Variants in PEX5L observed in about 807,000 individuals in gnomAD.
PEX5L encodes PEX5-related protein.
PEX5L carries 30 observed loss-of-function variants against 84.0 expected under a neutral mutation model. The observed-to-expected ratio is 0.36, with a 90% CI of 0.27 to 0.48. The LOEUF (loss-of-function observed/expected upper bound fraction) is 0.48. PEX5L is among the 20% of genes least tolerant of loss of function. The probability of loss-of-function intolerance (pLI) is 0.99; values close to 1 mark genes in which losing one functional copy is unlikely to be tolerated. For missense variants in PEX5L, 533 were observed against 754.6 expected (o/e 0.71, Z 3.44); for synonymous variants, 270 against 283.1 (o/e 0.95, Z 0.46).
chr3:179,835,707 T>C (rs780446792), intron 8 of PEX5L, among the ~76,000 whole-genome samples: 2 of 152,190 alleles, frequency 1.3e-5, no homozygotes, highest in African/African-American at 2.4e-5. Flanking sequence ...ACTAAATATT[T>C]AAGGAAAATA....
At chr3:179,986,559 C>T (rs1035201101) in intron 1 of PEX5L, among the ~76,000 whole-genome samples, 12 of 151,966 alleles carry the variant, frequency 7.9e-5, no homozygotes, top group Non-Finnish European at 1.2e-4. Flanking sequence ...CCCGCCACCA[C>T]GCCCGGCTAA....
At chr3:179,856,688 G>A (rs368391801) in intron 8 of PEX5L, among the ~76,000 whole-genome samples, 1 of 152,154 alleles carries the variant, frequency 6.6e-6, no homozygotes, top group East Asian at 1.9e-4. Flanking sequence ...CCTTCCCCAC[G>A]CATTCACACA....
chr3:179,932,906 A>C (rs1413065658), intron 2 of PEX5L, among the ~76,000 whole-genome samples: 1 of 152,172 alleles, frequency 6.6e-6, no homozygotes, highest in Non-Finnish European at 1.5e-5. Context: ...ATTTTTGAGA[A>C]TACAATACAT....
At chr3:179,854,613 T>G (rs1249320589) in intron 8 of PEX5L, among the ~76,000 whole-genome samples, 1 of 152,130 alleles carries the variant, frequency 6.6e-6, no homozygotes, top group Non-Finnish European at 1.5e-5. Flanking sequence ...TACAGTTATG[T>G]TGGAAGGTTA....
At chr3:179,861,756 C>T (rs957229552) in intron 7 of PEX5L, among the ~76,000 whole-genome samples, 1 of 152,214 alleles carries the variant, frequency 6.6e-6, no homozygotes, top group African/African-American at 2.4e-5. Context: ...GATTTAATAT[C>T]AGTAAATAAA....
In PEX5L at chr3:179,905,840, A is replaced by G. The variant is rs114659010; in HGVS notation, c.94-7594T>C. 3.7e-3 allele frequency among the ~76,000 whole-genome samples: 564 copies of G among 152,284 alleles called. 3 individuals are homozygous for G. The highest frequency in any genetic ancestry group is 6.1e-3 in the Non-Finnish European group (418 of 68,028). ...CCTTATGAGAGCAAAGATTGTGTTA[A>G]TATCTTCTGAACCATTTCCACATTG... On this transcript the variant is annotated intron_variant, in intron 2 of 14. Coordinates refer to ENST00000467460, the MANE Select transcript of PEX5L (RefSeq NM_016559.3).
chr3:179,825,723 A>T (rs1341437283), intron 8 of PEX5L, among the ~76,000 whole-genome samples: 7 of 152,212 alleles, frequency 4.6e-5, no homozygotes, highest in Non-Finnish European at 1.5e-5. Flanking sequence ...ACGTGACCTT[A>T]TGCAACTTAG....
chr3:179,860,092 C>A (rs1481035149), intron 7 of PEX5L, among the ~76,000 whole-genome samples: 2 of 151,588 alleles, frequency 1.3e-5, no homozygotes, highest in African/African-American at 4.9e-5. Context: ...TTTCACTCAA[C>A]AATTTACCTT....
chr3:179,924,063 A>C (rs10937013), intron 2 of PEX5L, among the ~76,000 whole-genome samples: 38,437 of 152,132 alleles, frequency 0.25, 5,762 homozygotes, highest in East Asian at 0.63. Context: ...ATCAAGAGAT[A>C]TCCTTCAGCT....
At chr3:179,820,324 A>T (rs1352635918) in intron 8 of PEX5L, 1 of 224,772 alleles carries the variant, frequency 4.4e-6, no homozygotes, top group Non-Finnish European at 8.8e-6. Context: ...CCTAGCATAT[A>T]AAGAATTAGA....
chr3:179,888,683 C>T (rs1302630261), intron 3 of PEX5L, among the ~76,000 whole-genome samples: 1 of 151,810 alleles, frequency 6.6e-6, no homozygotes, highest in East Asian at 1.9e-4. Context: ...TTATATTTGC[C>T]TTTCATAAAA....
At chr3:179,850,836 A>T (rs1032137584) in intron 8 of PEX5L, among the ~76,000 whole-genome samples, 24 of 152,332 alleles carry the variant, frequency 1.6e-4, no homozygotes, top group African/African-American at 5.8e-4. Context: ...CAAAGAGGTA[A>T]TATTGTCATA....
intron 2 of PEX5L, among the ~76,000 whole-genome samples, chr3:179,932,381 G>C (rs909428994): frequency 2.0e-5 from 3 of 152,100 alleles, no homozygotes; most frequent in Non-Finnish European, 4.4e-5. Context: ...ACGTTTGCTT[G>C]AGTTTCATAT....
At chr3:179,846,326 C>T (rs1027746349) in intron 8 of PEX5L, among the ~76,000 whole-genome samples, 1 of 152,184 alleles carries the variant, frequency 6.6e-6, no homozygotes, top group Admixed American at 6.5e-5. Flanking sequence ...CACACACTTA[C>T]CATTTCTTTG....
chr3:180,036,779 CG>C lies in PEX5L; in HGVS notation c.-181del. ...GCCACTCGGCAGCGCTGCGGGCTGCCGGGAACTGTTCTCCGCTCGGGGTGCT... is the reference window on the plus strand; with the variant it reads ...GCCACTCGGCAGCGCTGCGGGCTGCCGGAACTGTTCTCCGCTCGGGGTGCT... On this transcript the variant is annotated 5_prime_UTR_variant, in exon 1 of 15. Coordinates refer to ENST00000467460, the MANE Select transcript of PEX5L (RefSeq NM_016559.3). 3.0e-6 allele frequency: 2 copies of C among 657,238 alleles called. No homozygotes were observed. The highest frequency in any genetic ancestry group is 5.5e-6 in the Non-Finnish European group (2 of 361,562). 40.7% of individuals were successfully genotyped at this position (657,238 alleles called of 1,614,324 possible). A position where few individuals can be genotyped will look rare whatever the true frequency, so the allele number is the denominator to read the frequency against.
At chr3:179,963,640 T>G (rs1368725646) in intron 2 of PEX5L, among the ~76,000 whole-genome samples, 1 of 152,180 alleles carries the variant, frequency 6.6e-6, no homozygotes, top group Non-Finnish European at 1.5e-5. Flanking sequence ...GTTTAAAATT[T>G]TAAAAAAGAT....
rs904736432 is a variant in PEX5L at position 179,934,565 on chromosome 3, T to C, written c.94-36319A>G. ...CCTAGTAAAAAATGAAATTACAGAA[T>C]GGCAAACCTGGAATTTGAATTCAGT... On this transcript the variant is annotated intron_variant, in intron 2 of 14. Transcript: ENST00000467460. Among the ~76,000 whole-genome samples, 3 of 152,174 alleles carry C rather than the reference T, an allele frequency of 2.0e-5. No homozygotes were observed. In the South Asian group the frequency reaches 6.2e-4, roughly 32 times the overall value.
intron 2 of PEX5L, among the ~76,000 whole-genome samples, chr3:179,953,988 C>T (rs1314326579): frequency 1.3e-5 from 2 of 152,124 alleles, no homozygotes; most frequent in Non-Finnish European, 2.9e-5. Flanking sequence ...CTTTTATCTA[C>T]TTGAGTCTTC....
intron 1 of PEX5L, among the ~76,000 whole-genome samples, chr3:179,988,250 A>C (rs773442577): frequency 6.6e-6 from 1 of 152,032 alleles, no homozygotes; most frequent in Non-Finnish European, 1.5e-5. Context: ...AAATACAAAA[A>C]ATTAGCCGGG....
Sources: gnomAD v4.1 joint callset for allele counts (sites outside exome capture counted in the v4.1 genomes callset) on GRCh38, gnomAD v4.1.1 for gene constraint, MANE v1.5 for transcripts, NCBI Gene and HGNC (gene_info 2026-07-23, HGNC 2026-07-21) for gene names.